The following CAMTA1 variants were observed in gnomAD, a reference collection of about 807,000 sequenced individuals.
The protein encoded by CAMTA1 is calmodulin-binding transcription activator 1.
A neutral mutation model predicts 170.9 loss-of-function variants in CAMTA1; 27 were observed. The observed-to-expected ratio is 0.16, with a 90% CI of 0.12 to 0.22. The LOEUF is 0.22. CAMTA1 is among the 10% of genes least tolerant of loss of function. The pLI is 1.00. For synonymous variants in CAMTA1, 833 were observed against 891.5 expected (o/e 0.93, Z 1.17); for missense variants, 1,619 against 2,217.2 (o/e 0.73, Z 5.42).
intron 3 of CAMTA1, among the ~76,000 whole-genome samples, chr1:6,893,006 C>T (rs1480407402): frequency 2.6e-5 from 4 of 151,946 alleles, no homozygotes; most frequent in East Asian, 3.9e-4. Context: ...TGTGGCCGGG[C>T]GCGGTGGCTC....
chr1:7,015,447 T>A (rs1185329854), intron 3 of CAMTA1, among the ~76,000 whole-genome samples: 1 of 152,204 alleles, frequency 6.6e-6, no homozygotes, highest in Non-Finnish European at 1.5e-5. Flanking sequence ...CCGGTGAGGC[T>A]GCAGCTAAAC....
intron 5 of CAMTA1, among the ~76,000 whole-genome samples, chr1:7,465,171 G>A (rs961557628): frequency 6.6e-6 from 1 of 152,214 alleles, no homozygotes; most frequent in African/African-American, 2.4e-5. Flanking sequence ...CCTGTGTCCT[G>A]GAGCTGCCAG....
At chr1:7,102,675 C>G (rs1041776187) in intron 4 of CAMTA1, among the ~76,000 whole-genome samples, 3 of 152,194 alleles carry the variant, frequency 2.0e-5, no homozygotes, top group Admixed American at 6.5e-5. Context: ...GCTATTTCCA[C>G]ATATTTTCAC....
At chr1:7,138,869 C>T (rs1645699711) in intron 4 of CAMTA1, among the ~76,000 whole-genome samples, 1 of 151,584 alleles carries the variant, frequency 6.6e-6, no homozygotes, top group African/African-American at 2.4e-5. Flanking sequence ...GTGGTGTGTG[C>T]CTGTAATCCC....
At chr1:7,006,507 G>A (rs6693136) in intron 3 of CAMTA1, among the ~76,000 whole-genome samples, 42,025 of 151,918 alleles carry the variant, frequency 0.28, 5,911 homozygotes, top group African/African-American at 0.33. Flanking sequence ...TCACCCCAAG[G>A]CCTGGGTTCA....
intron 5 of CAMTA1, among the ~76,000 whole-genome samples, chr1:7,290,441 C>G (rs1276586998): frequency 6.6e-6 from 1 of 152,156 alleles, no homozygotes; most frequent in Non-Finnish European, 1.5e-5. Flanking sequence ...ATATGTCACC[C>G]AGCTTTCCAC....
At chr1:7,430,203 T>A (rs1321581774) in intron 5 of CAMTA1, among the ~76,000 whole-genome samples, 1 of 150,492 alleles carries the variant, frequency 6.6e-6, no homozygotes, top group Non-Finnish European at 1.5e-5. Flanking sequence ...GGTGATAACA[T>A]GGATGATGGT....
In CAMTA1 at chr1:7,623,742, C is replaced by T. The variant is rs150824666; in HGVS notation, c.511-16658C>T. On this transcript the variant is annotated intron_variant, in intron 6 of 22. Transcript: ENST00000303635. Reference sequence around the variant, plus strand: ...CAAACTCCTGACCTCAGGTGTTCCGCCCGCCTCGGCCTCCCGAGGTGCTGG... The same window carrying T: ...CAAACTCCTGACCTCAGGTGTTCCGTCCGCCTCGGCCTCCCGAGGTGCTGG... Among the ~76,000 whole-genome samples, 172 of 152,344 alleles carry T rather than the reference C, an allele frequency of 1.1e-3. 1 individual carries two copies. Among genetic ancestry groups the T allele is most frequent in the African/African-American group, 4.0e-3 (168 of 41,570 alleles).
At chr1:7,490,771 G>A (rs915967185) in intron 6 of CAMTA1, among the ~76,000 whole-genome samples, 2 of 152,172 alleles carry the variant, frequency 1.3e-5, no homozygotes, top group Admixed American at 6.5e-5. Flanking sequence ...TGCTGCTGCC[G>A]CAGGAGTCCT....
At chr1:7,326,358 A>T (rs768264347) in intron 5 of CAMTA1, among the ~76,000 whole-genome samples, 8 of 152,246 alleles carry the variant, frequency 5.3e-5, no homozygotes, top group Non-Finnish European at 1.2e-4. Context: ...ATCAGCAGGG[A>T]AGTGGTACTT....
chr1:7,162,176 C>A (rs1258219967), intron 4 of CAMTA1, among the ~76,000 whole-genome samples: 1 of 152,100 alleles, frequency 6.6e-6, no homozygotes, highest in African/African-American at 2.4e-5. Context: ...AGGGAGCTGT[C>A]AGGTCCCAAC....
At chr1:7,168,308 C>T (rs1648915114) in intron 4 of CAMTA1, among the ~76,000 whole-genome samples, 1 of 152,108 alleles carries the variant, frequency 6.6e-6, no homozygotes, top group African/African-American at 2.4e-5. Context: ...TCATTCTCAA[C>T]CCTTAGAGAT....
intron 7 of CAMTA1, among the ~76,000 whole-genome samples, chr1:7,646,314 TGGTGAGTTGGGTGGAGGCCAC>T (rs1404778998): frequency 5.5e-5 from 8 of 144,936 alleles, no homozygotes; most frequent in South Asian, 2.3e-4. Context: ...GTGGAGGCCC[TGGTGAGTTGGGTGGAGGCCAC>T]GGTGAGTTGG....
chr1:7,674,034 C>T lies in CAMTA1; in HGVS notation c.2779+2997C>T, dbSNP rs373741065. On this transcript the variant is annotated intron_variant, in intron 10 of 22. Coordinates refer to ENST00000303635, the MANE Select transcript of CAMTA1 (RefSeq NM_015215.4). This position sits in a 1 kb window ranked among gnomAD's most constrained non-coding sequence, Gnocchi z 4.1. Reference sequence around the variant, plus strand: ...CCCCAGAGGAATCTGAGGCTGAGCTCGAAGGATGAACACTTGGAAGTCAGA... The same window carrying T: ...CCCCAGAGGAATCTGAGGCTGAGCTTGAAGGATGAACACTTGGAAGTCAGA... 6.6e-5 allele frequency among the ~76,000 whole-genome samples: 10 copies of T among 152,038 alleles called. No individual in the cohort carries two copies. The highest frequency in any genetic ancestry group is 2.2e-4 in the African/African-American group (9 of 41,396).
chr1:7,125,798 G>A (rs746439847), intron 4 of CAMTA1, among the ~76,000 whole-genome samples: 1 of 152,198 alleles, frequency 6.6e-6, no homozygotes, highest in Non-Finnish European at 1.5e-5. Flanking sequence ...TTTGGGCTTT[G>A]ACCTGAAGTG....
intron 5 of CAMTA1, among the ~76,000 whole-genome samples, chr1:7,428,103 G>A (rs1373887364): frequency 6.6e-6 from 1 of 152,136 alleles, no homozygotes; most frequent in Non-Finnish European, 1.5e-5. Context: ...GTTCTGGCCA[G>A]CACGCAGAAG....
chr1:7,488,295 G>C (rs1281384399), intron 6 of CAMTA1, among the ~76,000 whole-genome samples: 1 of 152,166 alleles, frequency 6.6e-6, no homozygotes, highest in East Asian at 1.9e-4. Flanking sequence ...GGTGCTCCTG[G>C]TAGGATGTGG....
intron 5 of CAMTA1, among the ~76,000 whole-genome samples, chr1:7,422,775 C>G (rs1005814904): frequency 2.0e-5 from 3 of 152,140 alleles, no homozygotes; most frequent in Non-Finnish European, 4.4e-5. Context: ...CACATGCCAC[C>G]TGGACACAGG....
intron 6 of CAMTA1, among the ~76,000 whole-genome samples, chr1:7,587,239 C>T (rs1361466379): frequency 1.3e-5 from 2 of 152,096 alleles, no homozygotes; most frequent in African/African-American, 2.4e-5. Context: ...AGCCCATCCA[C>T]CCGCCGCCCC....
Sources: gnomAD v4.1 joint callset for allele counts (sites outside exome capture counted in the v4.1 genomes callset) on GRCh38, gnomAD v4.1.1 for gene constraint, Gnocchi (gnomAD v3.1) non-coding constraint, MANE v1.5 for transcripts, NCBI Gene and HGNC (gene_info 2026-07-23, HGNC 2026-07-21) for gene names.